The following SCUBE1 variants were observed in gnomAD, a reference collection of about 807,000 sequenced individuals.
The protein encoded by SCUBE1 is signal peptide, CUB domain and EGF like domain containing 1.
In SCUBE1, 59 loss-of-function variants were observed where a neutral mutation model predicts 124.4. That is an observed-to-expected ratio of 0.47 (90% confidence interval 0.38 to 0.59). The LOEUF (loss-of-function observed/expected upper bound fraction) is 0.59. Ranked by LOEUF, SCUBE1 falls within the 20% of genes least tolerant of loss-of-function variation. The probability of loss-of-function intolerance (pLI) is 0.00; values close to 1 mark genes in which losing one functional copy is unlikely to be tolerated. For synonymous variants in SCUBE1, 545 were observed against 550.9 expected (o/e 0.99, Z 0.15); for missense variants, 1,150 against 1,371.2 (o/e 0.84, Z 2.55).
At chr22:43,274,115 C>T (rs1237870154) in intron 4 of SCUBE1, among the ~76,000 whole-genome samples, 1 of 152,152 alleles carries the variant, frequency 6.6e-6, no homozygotes, top group Non-Finnish European at 1.5e-5. Flanking sequence ...CCCCCACGGA[C>T]CTGAGGTCTT....
intron 7 of SCUBE1, among the ~76,000 whole-genome samples, chr22:43,236,595 C>T (rs543044193): frequency 2.0e-5 from 3 of 152,342 alleles, no homozygotes; most frequent in Admixed American, 2.0e-4. Flanking sequence ...TCTGGCCCGC[C>T]TCCTTTGCGT....
intron 5 of SCUBE1, among the ~76,000 whole-genome samples, chr22:43,261,883 A>T (rs1226450734): frequency 6.6e-6 from 1 of 152,188 alleles, no homozygotes; most frequent in Non-Finnish European, 1.5e-5. Context: ...TCCCACGAGG[A>T]GAGGCCCACC....
At position 43,308,005 on chromosome 22, in the gene SCUBE1, C is replaced by A. The variant is rs1299101428; in HGVS notation, c.349+11932G>T. 3.3e-5 allele frequency among the ~76,000 whole-genome samples: 5 copies of A among 152,210 alleles called. No individual in the cohort carries two copies. In the East Asian group the frequency reaches 9.7e-4, roughly 29 times the overall value. ...AATAAACACCCCACAGTCCCCCCAC[C>A]CAATCCCAAGCAGGCCATGGGCATG... On this transcript the variant is annotated intron_variant, in intron 3 of 21. Transcript: ENST00000360835.
chr22:43,288,092 A>T (rs1925215418), intron 4 of SCUBE1, among the ~76,000 whole-genome samples: 1 of 152,224 alleles, frequency 6.6e-6, no homozygotes, highest in South Asian at 2.1e-4. Context: ...CATTGCCCAG[A>T]TCAAAAAATC....
intron 4 of SCUBE1, among the ~76,000 whole-genome samples, chr22:43,284,769 C>CGTCGTT (rs1483824589): frequency 6.6e-6 from 1 of 152,120 alleles, no homozygotes; most frequent in Non-Finnish European, 1.5e-5. Flanking sequence ...TCATCGTCGT[C>CGTCGTT]GTCGTCGTCG....
Position 43,210,353 on chromosome 22 carries a change from C to T in SCUBE1, c.2384-113G>A, listed in dbSNP as rs1006808194. 6 of 851,004 alleles carry T rather than the reference C, an allele frequency of 7.1e-6. No individual in the cohort carries two copies. The highest frequency in any genetic ancestry group is 6.9e-5 in the Admixed American group (2 of 28,842). 52.7% of individuals were successfully genotyped at this position (851,004 alleles called of 1,614,324 possible). ...GGGCAGGGCTGGAAGGTGCTCTTGTCCCCCCCCACACTAGCCCTCGGACCC... is the reference window on the plus strand; with the variant it reads ...GGGCAGGGCTGGAAGGTGCTCTTGTTCCCCCCCACACTAGCCCTCGGACCC... On this transcript the variant is annotated intron_variant, in intron 18 of 21. Coordinates refer to ENST00000360835, the MANE Select transcript of SCUBE1 (RefSeq NM_173050.5). This position sits in a 1 kb window ranked among gnomAD's most constrained non-coding sequence, Gnocchi z 4.5.
In SCUBE1 at chr22:43,222,697, T is replaced by C. The variant is rs2146669678; in HGVS notation, c.1373A>G (p.Gln458Arg). The change falls in exon 12 of 22, where the codon CAG becomes CGG. Residue 458 changes from glutamine to arginine, a missense_variant. Gln to Arg is a conservative substitution (Grantham distance 43, BLOSUM62 1). Transcript: ENST00000360835. The stretch of plus-strand genomic sequence containing the variant: ...GTTGCGTTTCTGCAGCGCCTTGCCC[T>C]GCGGCCCTGGAACTCCGCAGCTCAG... ...YVLSCGVPGPQGKALQKRNGT... is the reference protein window; with the variant it reads ...YVLSCGVPGPRGKALQKRNGT... The C allele has an allele frequency of 1.9e-6, 3 of 1,606,774 alleles. No homozygotes were observed. In the East Asian group the frequency reaches 6.7e-5, roughly 36 times the overall value.
intron 3 of SCUBE1, among the ~76,000 whole-genome samples, chr22:43,296,612 C>T (rs557033806): frequency 4.9e-4 from 75 of 152,286 alleles, no homozygotes; most frequent in Non-Finnish European, 8.4e-4. Flanking sequence ...GAGTGGAGAG[C>T]GGGCCCTCCA....
chr22:43,220,640 G>A, intron 13 of SCUBE1, 53 bp from the exon 14 acceptor site: 1 of 1,594,838 alleles, frequency 6.3e-7, no homozygotes, highest in Non-Finnish European at 8.5e-7. Flanking sequence ...AGGGAGCAAG[G>A]TCCTACCAAG....
At chr22:43,285,697 T>C (rs1424231154) in intron 4 of SCUBE1, among the ~76,000 whole-genome samples, 1 of 152,054 alleles carries the variant, frequency 6.6e-6, no homozygotes, top group Non-Finnish European at 1.5e-5. Context: ...AGGGCCCTGG[T>C]GCTCCCTCTG....
chr22:43,200,684 A>C lies in SCUBE1; in HGVS notation c.*3313T>G, dbSNP rs1430797756. 6.6e-6 allele frequency: 1 copy of C among 152,356 alleles called. No individual in the cohort carries two copies. The highest frequency in any genetic ancestry group is 1.5e-5 in the Non-Finnish European group (1 of 68,122). The allele number at this position is 152,356 out of a possible 1,614,324, so 9.4% of individuals were successfully genotyped here. A position where few individuals can be genotyped will look rare whatever the true frequency, so the allele number is the denominator to read the frequency against. Reference sequence around the variant, plus strand: ...AGACAGAGCCCAACCCTGGAATTCAAGTCACTCAGATGGTGTGGGAGGCCC... The same window carrying C: ...AGACAGAGCCCAACCCTGGAATTCACGTCACTCAGATGGTGTGGGAGGCCC... On this transcript the variant is annotated 3_prime_UTR_variant, in exon 22 of 22. Transcript: ENST00000360835.
Position 43,226,666 on chromosome 22 carries a change from T to A in SCUBE1, c.1207+708A>T, listed in dbSNP as rs1318051417. Reference sequence around the variant, plus strand: ...GGGCGGGGTTCTGAGCCCAGAGGGATGTTCTAACTTACATTTAAAAGGCTC... The same window carrying A: ...GGGCGGGGTTCTGAGCCCAGAGGGAAGTTCTAACTTACATTTAAAAGGCTC... On this transcript the variant is annotated intron_variant, in intron 10 of 21. Transcript: ENST00000360835. Among the ~76,000 whole-genome samples, 4 of 151,912 alleles carry A rather than the reference T, an allele frequency of 2.6e-5. No individual in the cohort carries two copies. The South Asian group carries it at 8.3e-4, about 32-fold the overall frequency.
chr22:43,311,044 G>A (rs1926151941), intron 3 of SCUBE1, among the ~76,000 whole-genome samples: 1 of 152,230 alleles, frequency 6.6e-6, no homozygotes, highest in East Asian at 1.9e-4. Flanking sequence ...CTCCCAAAGT[G>A]TTGGGATTAT....
intron 2 of SCUBE1, among the ~76,000 whole-genome samples, chr22:43,327,860 C>T (rs1323892871): frequency 5.3e-5 from 8 of 152,180 alleles, no homozygotes; most frequent in Admixed American, 3.9e-4. Context: ...TGTGAATATA[C>T]TAAAGGCATT....
chr22:43,268,825 T>C (rs1161008136), intron 4 of SCUBE1, among the ~76,000 whole-genome samples: 1 of 152,072 alleles, frequency 6.6e-6, no homozygotes, highest in Non-Finnish European at 1.5e-5. Flanking sequence ...AGCGACACGC[T>C]TGTGTGTCAG....
At chr22:43,341,007 C>A (rs927550508) in intron 1 of SCUBE1, among the ~76,000 whole-genome samples, 1 of 150,178 alleles carries the variant, frequency 6.7e-6, no homozygotes, top group Admixed American at 6.6e-5. Context: ...CTTCTTTGCC[C>A]TAGCCCCTAA....
intron 2 of SCUBE1, among the ~76,000 whole-genome samples, chr22:43,338,494 C>A (rs910998693): frequency 6.6e-5 from 10 of 152,152 alleles, no homozygotes; most frequent in African/African-American, 2.4e-4. Context: ...GCACAAATAC[C>A]TCATTCAATG....
intron 4 of SCUBE1, 104 bp from the exon 5 acceptor site, chr22:43,262,949 G>T: frequency 7.8e-7 from 1 of 1,283,346 alleles, no homozygotes; most frequent in Non-Finnish European, 1.1e-6. Context: ...ACAATCAAAT[G>T]GGCTGTCATT....
intron 6 of SCUBE1, among the ~76,000 whole-genome samples, chr22:43,240,671 G>A (rs114973587): frequency 0.011 from 1,632 of 152,320 alleles, 36 homozygotes; most frequent in African/African-American, 0.038. Context: ...CAGGGCGGAG[G>A]TGAGGGTCAA....
Sources: gnomAD v4.1 joint callset for allele counts (sites outside exome capture counted in the v4.1 genomes callset) on GRCh38, gnomAD v4.1.1 for gene constraint, Gnocchi (gnomAD v3.1) non-coding constraint, MANE v1.5 for transcripts, NCBI Gene and HGNC (gene_info 2026-07-23, HGNC 2026-07-21) for gene names.